Variants in LRP1B observed in about 807,000 individuals in gnomAD.
LRP1B encodes LDL receptor related protein 1B, also known as low-density lipoprotein receptor-related protein 1B.
Under a neutral mutation model 556.6 loss-of-function variants are expected in LRP1B, and 217 were observed. The ratio of observed to expected loss-of-function variants is 0.39; its 90% CI spans 0.35 to 0.44. The LOEUF (loss-of-function observed/expected upper bound fraction) is 0.44, where lower values mean the gene tolerates loss of function less well. Ranked by LOEUF, LRP1B falls within the 20% of genes least tolerant of loss-of-function variation. The pLI, the probability that LRP1B is intolerant of heterozygous loss-of-function variation, is 1.00. For synonymous variants in LRP1B, 2,047 were observed against 1,865.8 expected, an observed-to-expected ratio of 1.10 and a Z score of -2.50; for missense variants, 5,053 against 5,620.8, an observed-to-expected ratio of 0.90 and a Z score of 3.23.
At chr2:142,059,338 T>A (rs1462771550) in intron 1 of LRP1B, among the ~76,000 whole-genome samples, 1 of 152,092 alleles carries the variant, frequency 6.6e-6, no homozygotes, top group Non-Finnish European at 1.5e-5. Context: ...GAAATAATAA[T>A]ACCAGAATTC....
intron 84 of LRP1B, among the ~76,000 whole-genome samples, chr2:140,279,042 G>A (rs780570697): frequency 1.3e-5 from 2 of 151,846 alleles, no homozygotes; most frequent in African/African-American, 4.8e-5. Flanking sequence ...ATTCTTCGAC[G>A]TTTATGTAAT....
chr2:141,637,074 C>T (rs533813965), intron 2 of LRP1B, among the ~76,000 whole-genome samples: 2 of 152,136 alleles, frequency 1.3e-5, no homozygotes, highest in South Asian at 2.1e-4. Flanking sequence ...CATGTAAACA[C>T]GTCTTTTTTT....
intron 2 of LRP1B, among the ~76,000 whole-genome samples, chr2:141,588,526 G>A (rs1233113777): frequency 1.3e-5 from 2 of 151,972 alleles, no homozygotes; most frequent in African/African-American, 4.8e-5. Context: ...ACATTTACAG[G>A]GATTGTTTTA....
chr2:140,789,352 C>A (rs1204167951), intron 32 of LRP1B, among the ~76,000 whole-genome samples: 1 of 152,160 alleles, frequency 6.6e-6, no homozygotes, highest in Non-Finnish European at 1.5e-5. Flanking sequence ...TCCAAGCTAT[C>A]ATAGTCTCTC....
At chr2:140,648,620 G>A (rs1684568596) in intron 41 of LRP1B, among the ~76,000 whole-genome samples, 1 of 151,980 alleles carries the variant, frequency 6.6e-6, no homozygotes, top group African/African-American at 2.4e-5. Flanking sequence ...GTGGGGCCGG[G>A]TTCAGGGGTA....
chr2:141,905,763 A>ACGTGTGT (rs71338143), intron 1 of LRP1B, among the ~76,000 whole-genome samples: 8,019 of 115,074 alleles, frequency 0.07, 443 homozygotes, highest in Middle Eastern at 0.13. Flanking sequence ...TGGTTTGAAT[A>ACGTGTGT]GATGTGTGTG....
In LRP1B at chr2:140,702,795, CCTG is replaced by C. The variant is rs1291863082; in HGVS notation, c.6024-245_6024-243del. On this transcript the variant is annotated intron_variant, in intron 37 of 90. Transcript: ENST00000389484. ...ACATCCTACCAAAATACCTTTTGTG[CCTG>C]CTATTTCCTGTCTCAAATGCTCTTC... Among the ~76,000 whole-genome samples, 7 of 152,024 alleles carry C rather than the reference CCTG, an allele frequency of 4.6e-5. No individual in the cohort carries two copies. The East Asian group carries it at 9.7e-4, about 21-fold the overall frequency.
chr2:141,816,464 G>A (rs901101335), intron 1 of LRP1B, among the ~76,000 whole-genome samples: 6 of 152,166 alleles, frequency 3.9e-5, no homozygotes, highest in African/African-American at 1.4e-4. Flanking sequence ...TCCAAGTTCT[G>A]CAGCTTTTGG....
intron 66 of LRP1B, among the ~76,000 whole-genome samples, chr2:140,420,459 A>T (rs186218724): frequency 2.5e-4 from 38 of 152,354 alleles, no homozygotes; most frequent in Admixed American, 2.4e-3. Context: ...CACTTTAGAA[A>T]ATAATTGGTA....
intron 25 of LRP1B, among the ~76,000 whole-genome samples, chr2:140,879,655 T>A (rs191639167): frequency 6.6e-6 from 1 of 152,264 alleles, no homozygotes; most frequent in East Asian, 1.9e-4. Context: ...TTTTTCCTAT[T>A]ACTTTCTCTT....
intron 3 of LRP1B, among the ~76,000 whole-genome samples, chr2:141,433,926 T>G (rs1680661940): frequency 6.6e-6 from 1 of 151,574 alleles, no homozygotes; most frequent in Non-Finnish European, 1.5e-5. Flanking sequence ...AACATGTCAT[T>G]TCACTATCTA....
chr2:141,963,895 G>A (rs1441464399), intron 1 of LRP1B, among the ~76,000 whole-genome samples: 1 of 130,712 alleles, frequency 7.7e-6, no homozygotes, highest in Non-Finnish European at 1.6e-5. Context: ...CTTCAGCAAA[G>A]TCTCAGGATA....
intron 32 of LRP1B, among the ~76,000 whole-genome samples, chr2:140,811,463 T>A (rs995023444): frequency 6.6e-6 from 1 of 152,112 alleles, no homozygotes; most frequent in Admixed American, 6.6e-5. Flanking sequence ...TTTATTATAT[T>A]TTTTTCCCTT....
In LRP1B at chr2:140,702,464, C is replaced by G. The variant is rs1190814401; in HGVS notation, c.6113G>C (p.Gly2038Ala). ...GGAGATGCCATTCGGCCATGCTATTCCCATGCTTACAAGGACAACCTTCTC... is the reference window on the plus strand; with the variant it reads ...GGAGATGCCATTCGGCCATGCTATTGCCATGCTTACAAGGACAACCTTCTC... Reference protein sequence around the residue: ...GSEKVVLVSMGIAWPNGISID... With the variant: ...GSEKVVLVSMAIAWPNGISID... Residue 2038 changes from glycine (G) to alanine (A), a missense_variant, in exon 38 of 91, where the codon GGA becomes GCA. Physicochemically the swap from Gly to Ala is moderately conservative, Grantham distance 60. Coordinates refer to ENST00000389484, the MANE Select transcript of LRP1B (RefSeq NM_018557.3). 1.2e-6 allele frequency: 2 copies of G among 1,613,552 alleles called. No individual in the cohort carries two copies. The highest frequency in any genetic ancestry group is 1.7e-6 in the Non-Finnish European group (2 of 1,179,702).
chr2:140,263,806 C>CTT (rs59927620), intron 86 of LRP1B, among the ~76,000 whole-genome samples: 43,072 of 145,146 alleles, frequency 0.3, 7,692 homozygotes, highest in African/African-American at 0.48. Context: ...TAATTGAGGC[C>CTT]TTTTTTTTTT....
intron 66 of LRP1B, among the ~76,000 whole-genome samples, chr2:140,418,073 G>T (rs1685275990): frequency 6.6e-6 from 1 of 152,180 alleles, no homozygotes; most frequent in African/African-American, 2.4e-5. Context: ...TTGCCTAGTT[G>T]TGTGACATAT....
At chr2:141,470,787 T>C (rs1682432749) in intron 3 of LRP1B, among the ~76,000 whole-genome samples, 1 of 152,206 alleles carries the variant, frequency 6.6e-6, no homozygotes, top group Non-Finnish European at 1.5e-5. Context: ...GAGTGACAGT[T>C]TGTTATAATT....
At chr2:140,421,587 A>C (rs1685446933) in intron 66 of LRP1B, among the ~76,000 whole-genome samples, 1 of 152,082 alleles carries the variant, frequency 6.6e-6, no homozygotes, top group African/African-American at 2.4e-5. Context: ...TTCTCTCTCC[A>C]TTGTAGTATG....
Position 140,540,865 on chromosome 2 carries a change from TA to T in LRP1B, c.7513+107del, listed in dbSNP as rs1259111527. The T allele has an allele frequency of 4.1e-6, 5 of 1,232,438 alleles. No homozygotes were observed. The Admixed American group carries it at 1.2e-4, about 29-fold the overall frequency. 76.3% of individuals were successfully genotyped at this position (1,232,438 alleles called of 1,614,324 possible). A position where few individuals can be genotyped will look rare whatever the true frequency, so the allele number is the denominator to read the frequency against. On this transcript the variant is annotated intron_variant, in intron 45 of 90. Transcript: ENST00000389484. ...CAGAGAGATAACATGACTAAGCTTC[TA>T]ATATTAGAAGAGAGTATAACTTCAT...
Sources: allele counts gnomAD v4.1 joint callset (sites outside exome capture counted in the v4.1 genomes callset), GRCh38; gene constraint gnomAD v4.1.1; transcripts MANE v1.5; gene names NCBI Gene and HGNC (gene_info 2026-07-23, HGNC 2026-07-21).